Variants in SLC35F4 observed in about 807,000 individuals in gnomAD.
SLC35F4 encodes chromosome 14 open reading frame 36.
SLC35F4 carries 24 observed loss-of-function variants against 44.2 expected under a neutral mutation model. The observed-to-expected ratio is 0.54, with a 90% CI of 0.39 to 0.76. SLC35F4 has a LOEUF of 0.76. Ranked by LOEUF, SLC35F4 falls within the 30% of genes least tolerant of loss-of-function variation. The pLI is 0.00. For synonymous variants in SLC35F4, 238 were observed against 223.6 expected (o/e 1.06, Z -0.57); for missense variants, 562 against 586.1 (o/e 0.96, Z 0.42).
intron 1 of SLC35F4, among the ~76,000 whole-genome samples, chr14:57,808,925 ATTG>A (rs1348502584): frequency 8.7e-6 from 1 of 115,444 alleles, no homozygotes; most frequent in African/African-American, 4.7e-5. Flanking sequence ...ATTTTAATCC[ATTG>A]TTCTTCTTTT....
chr14:57,877,032 G>C (rs1888413002), intron 1 of SLC35F4, among the ~76,000 whole-genome samples: 1 of 151,780 alleles, frequency 6.6e-6, no homozygotes, highest in African/African-American at 2.4e-5. Flanking sequence ...TTGGTTCAGT[G>C]GGTACATGTG....
chr14:57,851,764 C>A (rs919178827), intron 1 of SLC35F4, among the ~76,000 whole-genome samples: 1 of 152,092 alleles, frequency 6.6e-6, no homozygotes, highest in Admixed American at 6.6e-5. Context: ...CAAATAAAAT[C>A]TAGAGTTTAA....
chr14:57,605,899 G>A (rs1481599146), intron 1 of SLC35F4, among the ~76,000 whole-genome samples: 1 of 152,176 alleles, frequency 6.6e-6, no homozygotes, highest in Non-Finnish European at 1.5e-5. Flanking sequence ...TTGCAGGTGG[G>A]AGCTAAACAT....
intron 1 of SLC35F4, among the ~76,000 whole-genome samples, chr14:57,640,543 A>G (rs1222944169): frequency 6.6e-6 from 1 of 152,012 alleles, no homozygotes; most frequent in East Asian, 1.9e-4. Flanking sequence ...ACCTTTTTAC[A>G]TGTGCCAAAT....
intron 4 of SLC35F4, chr14:57,578,536 G>C (rs915367480): frequency 6.6e-6 from 1 of 151,866 alleles, no homozygotes; most frequent in Non-Finnish European, 1.5e-5. Context: ...TGCTGATACT[G>C]TCAAAGGCAA....
chr14:57,805,329 A>G (rs566029515), intron 1 of SLC35F4, among the ~76,000 whole-genome samples: 1 of 152,360 alleles, frequency 6.6e-6, no homozygotes, highest in African/African-American at 2.4e-5. Flanking sequence ...GCATATGTTC[A>G]TTGCAGCACT....
intron 1 of SLC35F4, among the ~76,000 whole-genome samples, chr14:57,843,581 C>T (rs1001051248): frequency 2.7e-4 from 41 of 152,090 alleles, no homozygotes; most frequent in Non-Finnish European, 5.9e-5. Context: ...GATAATCTCA[C>T]CTAAACTACC....
At position 57,659,176 on chromosome 14, in the gene SLC35F4, A is replaced by C. The variant is rs2074059881; in HGVS notation, c.104-65052T>G. Among the ~76,000 whole-genome samples, 5 of 152,184 alleles carry C rather than the reference A, an allele frequency of 3.3e-5. No individual in the cohort carries two copies. The South Asian group carries it at 1.0e-3, about 32-fold the overall frequency. On this transcript the variant is annotated intron_variant, in intron 1 of 7. Transcript: ENST00000556826. Reference sequence around the variant, plus strand: ...CCAAGGAAACTCAAAATGAGGAAGAAAGGTATGCCTGGTTTCCAGGACAGC... The same window carrying C: ...CCAAGGAAACTCAAAATGAGGAAGACAGGTATGCCTGGTTTCCAGGACAGC...
chr14:57,788,439 T>C (rs1185788714), intron 1 of SLC35F4, among the ~76,000 whole-genome samples: 2 of 152,054 alleles, frequency 1.3e-5, no homozygotes, highest in African/African-American at 4.8e-5. Context: ...TACAGAACAT[T>C]TCATCCAACA....
At chr14:57,882,862 G>T (rs974219469) in intron 1 of SLC35F4, among the ~76,000 whole-genome samples, 4 of 152,200 alleles carry the variant, frequency 2.6e-5, no homozygotes, top group Non-Finnish European at 5.9e-5. Context: ...CTCAACCCAT[G>T]AAAGGCTGGG....
At chr14:57,772,405 A>T (rs55661663) in intron 1 of SLC35F4, among the ~76,000 whole-genome samples, 9,797 of 151,860 alleles carry the variant, frequency 0.065, 490 homozygotes, top group African/African-American at 0.14. Flanking sequence ...TAGGGGGTAC[A>T]TGTGCTTGTT....
chr14:57,887,410 C>G (rs1026229030), intron 1 of SLC35F4, among the ~76,000 whole-genome samples: 1 of 152,196 alleles, frequency 6.6e-6, no homozygotes, highest in African/African-American at 2.4e-5. Flanking sequence ...GTAATACAGA[C>G]TGTTCTCTGC....
chr14:57,585,528 A>C (rs1343104555), intron 3 of SLC35F4, among the ~76,000 whole-genome samples: 3 of 152,210 alleles, frequency 2.0e-5, no homozygotes, highest in East Asian at 1.9e-4. Context: ...AGGGTATCCA[A>C]GTAGGAAAAG....
chr14:57,764,123 C>T (rs1266747612), intron 1 of SLC35F4, among the ~76,000 whole-genome samples: 1 of 152,102 alleles, frequency 6.6e-6, no homozygotes, highest in Non-Finnish European at 1.5e-5. Flanking sequence ...TTTATATGTC[C>T]ACCCCATCTG....
intron 1 of SLC35F4, among the ~76,000 whole-genome samples, chr14:57,877,013 C>G (rs896543180): frequency 5.9e-5 from 9 of 151,800 alleles, no homozygotes; most frequent in African/African-American, 1.7e-4. Context: ...TTCTTTCCAA[C>G]TTGTATTTTT....
intron 1 of SLC35F4, among the ~76,000 whole-genome samples, chr14:57,927,268 G>A (rs900234812): frequency 2.0e-5 from 3 of 152,164 alleles, no homozygotes; most frequent in Non-Finnish European, 4.4e-5. Flanking sequence ...TAAGACTGTA[G>A]TTTTAGAAAG....
At chr14:57,837,800 C>T (rs544153589) in intron 1 of SLC35F4, 2 of 152,280 alleles carry the variant, frequency 1.3e-5, no homozygotes, top group South Asian at 4.2e-4. Flanking sequence ...GAATAAATTA[C>T]CAATTCTTCA....
At chr14:57,729,230 C>T (rs959444896) in intron 1 of SLC35F4, among the ~76,000 whole-genome samples, 1 of 152,176 alleles carries the variant, frequency 6.6e-6, no homozygotes, top group Non-Finnish European at 1.5e-5. Flanking sequence ...ATATTATCCT[C>T]ACTGTGGCTG....
chr14:57,770,610 G>C (rs1324149350), intron 1 of SLC35F4, among the ~76,000 whole-genome samples: 1 of 152,102 alleles, frequency 6.6e-6, no homozygotes, highest in Non-Finnish European at 1.5e-5. Flanking sequence ...TCTCTTCCTT[G>C]GGAGCTCTCC....
Sources: gnomAD v4.1 joint callset for allele counts (sites outside exome capture counted in the v4.1 genomes callset) on GRCh38, gnomAD v4.1.1 for gene constraint, MANE v1.5 for transcripts, NCBI Gene and HGNC (gene_info 2026-07-23, HGNC 2026-07-21) for gene names.